Variants in TRHDE observed in about 807,000 individuals in gnomAD.
TRHDE encodes the protein thyrotropin releasing hormone degrading enzyme, also known as thyrotropin-releasing hormone-degrading ectoenzyme.
A neutral mutation model predicts 125.7 loss-of-function variants in TRHDE; 72 were observed. That is an observed-to-expected ratio of 0.57 (90% CI 0.47 to 0.70). The LOEUF is 0.70. Among genes scored for constraint, TRHDE ranks in the 30% least tolerant of loss-of-function variants. TRHDE has a pLI of 0.00. For missense variants in TRHDE, 1,110 were observed against 1,327.1 expected (o/e 0.84, Z 2.54); for synonymous variants, 509 against 509.1 (o/e 1.00, Z 0.00).
intron 2 of TRHDE, among the ~76,000 whole-genome samples, chr12:72,335,277 C>T (rs1428865765): frequency 2.0e-5 from 3 of 152,184 alleles, no homozygotes; most frequent in African/African-American, 4.8e-5. Flanking sequence ...AGGGAGTACA[C>T]CCCATTATTA....
At chr12:72,418,390 C>T (rs1397968305) in intron 3 of TRHDE, among the ~76,000 whole-genome samples, 1 of 152,012 alleles carries the variant, frequency 6.6e-6, no homozygotes, top group African/African-American at 2.4e-5. Flanking sequence ...CTGTCATTTG[C>T]TTACAAGAGA....
At chr12:72,568,508 T>A (rs1032331) in intron 9 of TRHDE, 60 bp from the exon 10 acceptor site, 202,294 of 1,259,284 alleles carry the variant, frequency 0.16, 25,776 homozygotes, top group African/African-American at 0.55. Flanking sequence ...TGGGAAATGT[T>A]TTTTGTTTTT....
chr12:72,564,135 A>G (rs1870317258), intron 9 of TRHDE, among the ~76,000 whole-genome samples: 1 of 152,090 alleles, frequency 6.6e-6, no homozygotes. Flanking sequence ...CTCTCCATAT[A>G]CAGTCTATAT....
chr12:72,430,444 C>T (rs530564948), intron 3 of TRHDE, among the ~76,000 whole-genome samples: 4 of 147,006 alleles, frequency 2.7e-5, no homozygotes, highest in South Asian at 2.1e-4. Flanking sequence ...TATACACACA[C>T]GTATATATAT....
intron 2 of TRHDE, among the ~76,000 whole-genome samples, chr12:72,205,900 C>T (rs573462208): frequency 2.0e-5 from 3 of 152,144 alleles, no homozygotes; most frequent in South Asian, 4.2e-4. Context: ...ATGGTAGTTC[C>T]GTTTTTAATT....
At chr12:72,586,377 T>C (rs1871440548) in intron 12 of TRHDE, among the ~76,000 whole-genome samples, 1 of 152,182 alleles carries the variant, frequency 6.6e-6, no homozygotes, top group Non-Finnish European at 1.5e-5. Context: ...CATGATGTTC[T>C]CTCTTAATTG....
intron 1 of TRHDE, among the ~76,000 whole-genome samples, chr12:72,094,315 A>G (rs1349364647): frequency 1.3e-5 from 2 of 152,020 alleles, no homozygotes; most frequent in South Asian, 4.2e-4. Context: ...TATGGCTGAG[A>G]GGGGCTGGGG....
At chr12:72,651,645 G>A (rs1387837618) in intron 15 of TRHDE, among the ~76,000 whole-genome samples, 1 of 151,898 alleles carries the variant, frequency 6.6e-6, no homozygotes, top group East Asian at 1.9e-4. Flanking sequence ...CTAAGGCAAA[G>A]TAGGGATGAA....
At chr12:72,604,555 TGAAGA>T (rs1400144887) in intron 12 of TRHDE, among the ~76,000 whole-genome samples, 3 of 152,054 alleles carry the variant, frequency 2.0e-5, no homozygotes, top group Admixed American at 6.6e-5. Context: ...GTTCTCTTAC[TGAAGA>T]GAAATTTCTA....
intron 15 of TRHDE, among the ~76,000 whole-genome samples, chr12:72,650,937 C>T (rs1049283445): frequency 6.6e-6 from 1 of 152,096 alleles, no homozygotes; most frequent in Non-Finnish European, 1.5e-5. Flanking sequence ...GTCATAAACA[C>T]AGCAGAGAGA....
At chr12:72,448,008 A>G (rs1875384056) in intron 3 of TRHDE, among the ~76,000 whole-genome samples, 2 of 152,074 alleles carry the variant, frequency 1.3e-5, no homozygotes, top group Admixed American at 1.3e-4. Context: ...ATTTCCCATC[A>G]TGTTCTTAAT....
intron 4 of TRHDE, among the ~76,000 whole-genome samples, chr12:72,471,532 A>T (rs1876649899): frequency 6.6e-6 from 1 of 152,208 alleles, no homozygotes; most frequent in East Asian, 1.9e-4. Context: ...GCCACTTACT[A>T]TGGAGTAATG....
intron 2 of TRHDE, among the ~76,000 whole-genome samples, chr12:72,369,187 A>G (rs1042563057): frequency 1.3e-5 from 2 of 152,194 alleles, no homozygotes; most frequent in African/African-American, 4.8e-5. Context: ...ACTAGGTCCC[A>G]TAGAAACACC....
chr12:72,665,673 T>A lies in TRHDE; in HGVS notation c.*2478T>A, dbSNP rs972673237. The A allele has an allele frequency of 6.6e-6, 1 of 152,088 alleles. No homozygotes were observed. 9.4% of individuals were successfully genotyped at this position (152,088 alleles called of 1,614,324 possible). A position where few individuals can be genotyped will look rare whatever the true frequency, so the allele number is the denominator to read the frequency against. On this transcript the variant is annotated 3_prime_UTR_variant, in exon 19 of 19. Transcript: ENST00000261180. ...TTTATCTTTTCTTTTTTGTCGGCTT[T>A]ACAAATTATATGTATGCATGAAATA... is the stretch of plus-strand genomic sequence containing the variant.
intron 2 of TRHDE, among the ~76,000 whole-genome samples, chr12:72,123,690 ACTT>A (rs1375129353): frequency 6.6e-6 from 1 of 152,080 alleles, no homozygotes; most frequent in Non-Finnish European, 1.5e-5. Context: ...TATACAATAA[ACTT>A]CTCAAATATA....
chr12:72,412,204 A>G (rs773056729), intron 3 of TRHDE, among the ~76,000 whole-genome samples: 38 of 152,162 alleles, frequency 2.5e-4, no homozygotes, highest in Non-Finnish European at 4.7e-4. Flanking sequence ...ATTTTTAAAA[A>G]TTTATATAAC....
chr12:72,253,543 T>G (rs1323476248), intron 2 of TRHDE: 1 of 152,134 alleles, frequency 6.6e-6, no homozygotes, highest in Non-Finnish European at 1.5e-5. Flanking sequence ...TTACAGCAAT[T>G]TTAGTCTCAC....
chr12:72,528,963 T>C (rs1022791015), intron 6 of TRHDE, among the ~76,000 whole-genome samples: 2 of 152,104 alleles, frequency 1.3e-5, no homozygotes, highest in African/African-American at 4.8e-5. Context: ...CTAATAATTT[T>C]ATTCTTAAAA....
intron 3 of TRHDE, among the ~76,000 whole-genome samples, chr12:72,439,366 T>C (rs962665209): frequency 5.9e-5 from 9 of 151,946 alleles, no homozygotes; most frequent in African/African-American, 2.2e-4. Flanking sequence ...AGCAATTGCA[T>C]TGAATCTATA....
Sources: gnomAD v4.1 joint callset for allele counts (sites outside exome capture counted in the v4.1 genomes callset) on GRCh38, gnomAD v4.1.1 for gene constraint, MANE v1.5 for transcripts, NCBI Gene and HGNC (gene_info 2026-07-23, HGNC 2026-07-21) for gene names.